NEK10: variants seen among roughly 807,000 people sequenced by gnomAD.
NEK10 encodes NIMA related kinase 10.
In NEK10, 122 loss-of-function variants were observed where a neutral mutation model predicts 159.8. That is an observed-to-expected ratio of 0.76 (90% CI 0.66 to 0.89). NEK10 has a LOEUF of 0.89. Ranked by LOEUF, NEK10 falls within the 40% of genes least tolerant of loss-of-function variation. The pLI, the probability that NEK10 is intolerant of heterozygous loss-of-function variation, is 0.00. For missense variants in NEK10, 1,342 were observed against 1,323.1 expected (o/e 1.01, Z -0.22); for synonymous variants, 466 against 457.1 (o/e 1.02, Z -0.25).
At chr3:27,309,222 C>T (rs1368092144) in intron 9 of NEK10, 10 of 283,396 alleles carry the variant, frequency 3.5e-5, no homozygotes, top group Middle Eastern at 1.0e-3. Context: ...GTTAAAGCTG[C>T]TCTCTCTTAT....
intron 1 of NEK10, among the ~76,000 whole-genome samples, chr3:27,355,263 C>A (rs766340697): frequency 6.6e-6 from 1 of 152,152 alleles, no homozygotes; most frequent in East Asian, 1.9e-4. Context: ...TATCTGCCCC[C>A]TCTCCCAAGG....
intron 22 of NEK10, among the ~76,000 whole-genome samples, chr3:27,261,500 A>C (rs1249594915): frequency 1.3e-5 from 2 of 152,054 alleles, no homozygotes; most frequent in Non-Finnish European, 2.9e-5. Flanking sequence ...CATTCAGGAG[A>C]AGGTTGTTCA....
intron 26 of NEK10, among the ~76,000 whole-genome samples, chr3:27,186,123 T>C (rs971160757): frequency 6.6e-6 from 1 of 152,206 alleles, no homozygotes; most frequent in African/African-American, 2.4e-5. Context: ...CAGGTGAATG[T>C]TCGGTTCAAA....
At chr3:27,204,301 G>GTTTTTTTTTTTTTTTTTTTTT (rs567092116) in intron 23 of NEK10, among the ~76,000 whole-genome samples, 1 of 66,380 alleles carries the variant, frequency 1.5e-5, no homozygotes, top group Non-Finnish European at 2.8e-5. Flanking sequence ...TTTTGTTGTT[G>GTTTTTTTTTTTTTTTTTTTTT]TTTTTTTTTT....
At chr3:27,215,087 C>T in intron 23 of NEK10, 4 of 501,926 alleles carry the variant, frequency 8.0e-6, no homozygotes, top group South Asian at 4.8e-5. Context: ...GCAAGTCTCG[C>T]GAGCTATTTT....
intron 35 of NEK10, among the ~76,000 whole-genome samples, chr3:27,114,113 A>G (rs1391148444): frequency 6.6e-6 from 1 of 152,234 alleles, no homozygotes; most frequent in Non-Finnish European, 1.5e-5. Flanking sequence ...GGGAAGAGCT[A>G]CGAGGCTGGC....
intron 20 of NEK10, among the ~76,000 whole-genome samples, 190 bp from the exon 21 acceptor site, chr3:27,285,151 C>G (rs1445994582): frequency 6.6e-6 from 1 of 152,142 alleles, no homozygotes; most frequent in Non-Finnish European, 1.5e-5. Flanking sequence ...CTTAGGGAAA[C>G]TGGGGCCCAG....
chr3:27,202,520 C>CCTT lies in NEK10; in HGVS notation c.2125_2127dup (p.Lys709dup). The CCTT allele has an allele frequency of 6.2e-7, 1 of 1,612,678 alleles. No individual in the cohort carries two copies. The highest frequency in any genetic ancestry group is 8.5e-7 in the Non-Finnish European group (1 of 1,179,220). On this transcript the variant is annotated inframe_insertion, in exon 24 of 36. Transcript: ENST00000691995. ...ATGCAGCCTACTGCCCAGACATCAG[C>CCTT]CTTCTCCCCATACGGCTCACTCTTC...
At chr3:27,111,515 C>T (rs1161551624) in intron 35 of NEK10, among the ~76,000 whole-genome samples, 195 bp from the exon 36 acceptor site, 1 of 152,110 alleles carries the variant, frequency 6.6e-6, no homozygotes. Context: ...AGGCCTTTCT[C>T]AAATTATGAA....
chr3:27,240,752 A>G (rs1219032175), intron 23 of NEK10, among the ~76,000 whole-genome samples: 1 of 151,800 alleles, frequency 6.6e-6, no homozygotes, highest in East Asian at 1.9e-4. Context: ...CCCAGGCTCA[A>G]GCAATTCTCC....
intron 30 of NEK10, among the ~76,000 whole-genome samples, chr3:27,151,233 C>A (rs916878650): frequency 6.6e-6 from 1 of 152,114 alleles, no homozygotes; most frequent in African/African-American, 2.4e-5. Flanking sequence ...ACCAAAGAAC[C>A]CTTATGGAGT....
chr3:27,158,225 T>C (rs150190951), intron 30 of NEK10, among the ~76,000 whole-genome samples: 52 of 152,304 alleles, frequency 3.4e-4, no homozygotes, highest in African/African-American at 1.2e-3. Context: ...ACAATGTATA[T>C]AATTATATGC....
chr3:27,256,031 C>T (rs1370119096), intron 23 of NEK10, among the ~76,000 whole-genome samples: 1 of 152,046 alleles, frequency 6.6e-6, no homozygotes, highest in Non-Finnish European at 1.5e-5. Context: ...TACTATATGC[C>T]AAGGATCATT....
At chr3:27,286,970 T>C (rs1009342462) in intron 20 of NEK10, among the ~76,000 whole-genome samples, 1 of 152,088 alleles carries the variant, frequency 6.6e-6, no homozygotes, top group Admixed American at 6.6e-5. Flanking sequence ...CAAAAGGTTT[T>C]CTTAAATAAC....
intron 8 of NEK10, chr3:27,311,317 T>C (rs1575692449): frequency 9.5e-6 from 2 of 210,118 alleles, no homozygotes; most frequent in East Asian, 1.1e-4. Flanking sequence ...AAGTGAGGCC[T>C]ATTCTTCAAA....
At chr3:27,298,104 G>A (rs909030396) in intron 13 of NEK10, among the ~76,000 whole-genome samples, 2 of 152,040 alleles carry the variant, frequency 1.3e-5, no homozygotes, top group Admixed American at 6.6e-5. Context: ...ACTCTTAACC[G>A]TTTATGTTTT....
At chr3:27,141,675 C>G (rs1254864126) in intron 30 of NEK10, 93 bp from the exon 31 acceptor site, 1 of 871,130 alleles carries the variant, frequency 1.1e-6, no homozygotes, top group East Asian at 2.5e-5. Context: ...AATTTTAAAG[C>G]AAAGACTTCA....
At chr3:27,182,919 G>T (rs572212904) in intron 26 of NEK10, among the ~76,000 whole-genome samples, 1 of 152,012 alleles carries the variant, frequency 6.6e-6, no homozygotes, top group Admixed American at 6.6e-5. Flanking sequence ...GTTACCAGAG[G>T]CTGGGAAGAG....
At chr3:27,155,845 CA>C (rs1412459052) in intron 30 of NEK10, among the ~76,000 whole-genome samples, 2 of 151,950 alleles carry the variant, frequency 1.3e-5, no homozygotes, top group African/African-American at 4.8e-5. Flanking sequence ...CAAGACTAAG[CA>C]AAAAGAACAA....
Sources: allele counts gnomAD v4.1 joint callset (sites outside exome capture counted in the v4.1 genomes callset), GRCh38; gene constraint gnomAD v4.1.1; transcripts MANE v1.5; gene names NCBI Gene and HGNC (gene_info 2026-07-23, HGNC 2026-07-21).